Variants in PCYT1B observed in about 807,000 individuals in gnomAD.
The protein encoded by PCYT1B is phosphate cytidylyltransferase 1B, choline.
A neutral mutation model predicts 26.4 loss-of-function variants in PCYT1B; 10 were observed. That is an observed-to-expected ratio of 0.38 (90% CI 0.23 to 0.64). The LOEUF (loss-of-function observed/expected upper bound fraction) is 0.64. Ranked by LOEUF, PCYT1B falls within the 30% of genes least tolerant of loss-of-function variation. The probability of loss-of-function intolerance (pLI) is 0.56; values close to 1 mark genes in which losing one functional copy is unlikely to be tolerated. For synonymous variants in PCYT1B, 131 were observed against 108.4 expected (o/e 1.21, Z -1.29); for missense variants, 161 against 292.7 (o/e 0.55, Z 3.28).
intron 1 of PCYT1B, among the ~76,000 whole-genome samples, chrX:24,626,271 G>A (rs1044471809): frequency 3.6e-5 from 4 of 112,119 alleles, no homozygotes; most frequent in Non-Finnish European, 5.6e-5. Flanking sequence ...CATTTCAGGT[G>A]CTCAATAACC....
At chrX:24,632,787 G>A (rs892579886) in intron 1 of PCYT1B, among the ~76,000 whole-genome samples, 6 of 111,663 alleles carry the variant, frequency 5.4e-5, no homozygotes, top group Non-Finnish European at 9.4e-5. Context: ...GTGGGTGAGC[G>A]GGGCTAGGGA....
At chrX:24,610,830 T>C (rs1925285476) in intron 2 of PCYT1B, among the ~76,000 whole-genome samples, 1 of 110,130 alleles carries the variant, frequency 9.1e-6, no homozygotes, top group Non-Finnish European at 1.9e-5. Context: ...ACAAATAAAC[T>C]TCAAGGCAAA....
chrX:24,656,267 C>G (rs1926912217), intron 1 of PCYT1B, among the ~76,000 whole-genome samples: 1 of 98,099 alleles, frequency 1.0e-5, no homozygotes, highest in Non-Finnish European at 2.0e-5. Context: ...AATGAAAGTG[C>G]TTTGTTTTAT....
At chrX:24,640,384 T>C (rs762679206) in intron 1 of PCYT1B, among the ~76,000 whole-genome samples, 2 of 112,622 alleles carry the variant, frequency 1.8e-5, no homozygotes, top group South Asian at 7.4e-4. Flanking sequence ...TGAGAAATAC[T>C]TCTCTGTCTT....
chrX:24,580,640 A>G (rs1410397450), intron 5 of PCYT1B, among the ~76,000 whole-genome samples: 2 of 112,338 alleles, frequency 1.8e-5, no homozygotes, highest in Non-Finnish European at 3.8e-5. Flanking sequence ...ATATCAACAG[A>G]TATAGAGCTA....
At chrX:24,575,573 G>A (rs1923988490) in intron 6 of PCYT1B, among the ~76,000 whole-genome samples, 1 of 112,194 alleles carries the variant, frequency 8.9e-6, no homozygotes, top group Admixed American at 9.5e-5. Context: ...TCTTTTAAAT[G>A]TCTTTGAGTT....
chrX:24,569,258 C>T (rs773422660), intron 7 of PCYT1B, among the ~76,000 whole-genome samples: 9 of 107,748 alleles, frequency 8.4e-5, no homozygotes, highest in South Asian at 4.0e-4. Context: ...AAAATTAGGA[C>T]GATTATTTAA....
Position 24,646,886 on chromosome X carries a change from A to G in PCYT1B, c.117+103T>C. On this transcript the variant is annotated intron_variant, in intron 1 of 7. Transcript: ENST00000379144. ...AGGCGGTAGCGCTCTTCTCATTTAC[A>G]TGAAAATCCTCTAAGCATCGTTTTC... 1.1e-5 allele frequency: 7 copies of G among 630,769 alleles called. No homozygotes were observed. The South Asian group carries it at 1.8e-4, about 16-fold the overall frequency. The allele number at this position is 630,769 out of a possible 1,213,427, so 52.0% of individuals were successfully genotyped here.
intron 3 of PCYT1B, among the ~76,000 whole-genome samples, chrX:24,606,005 G>A (rs1238525730): frequency 1.1e-5 from 1 of 92,799 alleles, no homozygotes; most frequent in Non-Finnish European, 2.0e-5. Flanking sequence ...AGTGAGCCGA[G>A]ATCATGCCAT....
At position 24,575,331 on chromosome X, in the gene PCYT1B, T is replaced by C. The variant is rs775840590; in HGVS notation, c.709-13A>G. 4.6e-6 allele frequency: 5 copies of C among 1,093,704 alleles called. No homozygotes were observed. Among genetic ancestry groups the C allele is most frequent in the Non-Finnish European group, 6.0e-6 (5 of 827,229 alleles). The allele number at this position is 1,093,704 out of a possible 1,213,427, so 90.1% of individuals were successfully genotyped here. A position where few individuals can be genotyped will look rare whatever the true frequency, so the allele number is the denominator to read the frequency against. On this transcript the variant is annotated splice_polypyrimidine_tract_variant and intron_variant, in intron 6 of 7. Coordinates refer to ENST00000379144, the MANE Select transcript of PCYT1B (RefSeq NM_004845.5). Reference sequence around the variant, plus strand: ...GGTACCTCTTCTCCTGGTGAAAGTTTACAGGAAAAAAAAAAACAGATTTAT... The same window carrying C: ...GGTACCTCTTCTCCTGGTGAAAGTTCACAGGAAAAAAAAAAACAGATTTAT...
At chrX:24,593,376 TTCTC>T (rs768489805) in intron 3 of PCYT1B, among the ~76,000 whole-genome samples, 15 of 108,201 alleles carry the variant, frequency 1.4e-4, no homozygotes, top group Admixed American at 6.0e-4. Flanking sequence ...GTTTCTTTCT[TTCTC>T]TCTCTCTCTC....
At chrX:24,652,758 A>G (rs1226750486) in intron 1 of PCYT1B, among the ~76,000 whole-genome samples, 1 of 110,893 alleles carries the variant, frequency 9.0e-6, no homozygotes, top group Non-Finnish European at 1.9e-5. Context: ...TCCTACAAGC[A>G]GTCCTCACAT....
intron 1 of PCYT1B, among the ~76,000 whole-genome samples, chrX:24,636,238 A>G (rs1330058982): frequency 1.8e-5 from 2 of 112,463 alleles, no homozygotes; most frequent in African/African-American, 3.2e-5. Context: ...GGGAAATACA[A>G]TGTAGAGTGT....
chrX:24,562,202 A>T lies in PCYT1B; in HGVS notation c.*91T>A. 4.2e-6 allele frequency: 5 copies of T among 1,191,350 alleles called. No individual in the cohort carries two copies. The South Asian group carries it at 7.4e-5, about 18-fold the overall frequency. On this transcript the variant is annotated 3_prime_UTR_variant, in exon 8 of 8. Transcript: ENST00000379144. ...TCTCTGCTGAGCTGCAGCTCCTGTG[A>T]CTATTACCCTTCAAACACCACCCAG...
intron 1 of PCYT1B, among the ~76,000 whole-genome samples, chrX:24,631,043 C>T (rs1413987188): frequency 9.0e-6 from 1 of 111,572 alleles, no homozygotes; most frequent in East Asian, 2.8e-4. Context: ...CTGCCTCAGC[C>T]TCCTGAGTAG....
intron 7 of PCYT1B, among the ~76,000 whole-genome samples, chrX:24,565,327 G>A (rs776074138): frequency 1.8e-5 from 2 of 111,405 alleles, no homozygotes; most frequent in African/African-American, 3.3e-5. Flanking sequence ...TTGTCCTTTG[G>A]GTTATTCATT....
intron 1 of PCYT1B, among the ~76,000 whole-genome samples, chrX:24,624,216 G>T (rs765804869): frequency 9.0e-6 from 1 of 110,858 alleles, no homozygotes; most frequent in African/African-American, 3.3e-5. Context: ...TGATCCGCCC[G>T]CCTTGGCCTC....
At position 24,670,090 on chromosome X, in the gene PCYT1B, A is replaced by AAGAG. The variant is rs1402594191; in HGVS notation, c.63+2479_63+2480insCTCT. Among the ~76,000 whole-genome samples, 17 of 93,184 alleles carry AAGAG rather than the reference A, an allele frequency of 1.8e-4. No individual in the cohort carries two copies. The East Asian group carries it at 5.7e-3, about 31-fold the overall frequency. The allele number at this position is 93,184 out of a possible 115,157, so 80.9% of individuals were successfully genotyped here. A position where few individuals can be genotyped will look rare whatever the true frequency, so the allele number is the denominator to read the frequency against. On this transcript the variant is annotated intron_variant, in intron 1 of 7. Transcript: ENST00000379145. ...AAAGAAAGAAAGAAAGAAAGAAAGAAAGAAAGAAAGAAAGAAAGAAAGAAA... is the reference window on the plus strand; with the variant it reads ...AAAGAAAGAAAGAAAGAAAGAAAGAAAGAGAGAAAGAAAGAAAGAAAGAAAGAAA...
At position 24,619,044 on chromosome X, in the gene PCYT1B, C is replaced by T. The variant is rs768052598; in HGVS notation, c.158G>A (p.Cys53Tyr). 2.5e-6 allele frequency: 3 copies of T among 1,189,098 alleles called. No homozygotes were observed. The African/African-American group carries it at 5.3e-5, about 21-fold the overall frequency. The change falls in exon 2 of 8, where the codon TGC (cysteine) becomes TAC (tyrosine). Residue 53 changes from cysteine (C) to tyrosine (Y), a missense_variant. Cys to Tyr is a radical substitution (Grantham distance 194). This residue lies in a region of PCYT1B where 51 missense variants were observed against 51.0 expected (regional missense o/e 1.00). Coordinates refer to ENST00000379144, the MANE Select transcript of PCYT1B (RefSeq NM_004845.5). Reference protein sequence around the residue: ...APAPFADETNCQCQAPHEKLT... With the variant: ...APAPFADETNYQCQAPHEKLT... ...TTTTTCATGGGGTGCTTGACACTGG[C>T]AGTTGGTTTCATCAGCAAATGGGGC...
Sources: gnomAD v4.1 joint callset for allele counts (sites outside exome capture counted in the v4.1 genomes callset) on GRCh38, gnomAD v4.1.1 for gene constraint, gnomAD v4.1.1 regional missense constraint, MANE v1.5 for transcripts, NCBI Gene and HGNC (gene_info 2026-07-23, HGNC 2026-07-21) for gene names.